Variants in SCRIB observed in about 807,000 individuals in gnomAD.
SCRIB encodes protein scribble homolog.
SCRIB carries 72 observed loss-of-function variants against 170.0 expected under a neutral mutation model. The ratio of observed to expected loss-of-function variants is 0.42; its 90% CI spans 0.35 to 0.52. The LOEUF is 0.52. SCRIB is among the 20% of genes least tolerant of loss of function. The probability of loss-of-function intolerance (pLI) is 0.02; values close to 1 mark genes in which losing one functional copy is unlikely to be tolerated. For synonymous variants in SCRIB, 1,298 were observed against 1,044.3 expected, an observed-to-expected ratio of 1.24 and a Z score of -4.68; for missense variants, 2,475 against 2,338.5, an observed-to-expected ratio of 1.06 and a Z score of -1.20.
rs1284714219 is a variant in SCRIB at position 143,815,604 on chromosome 8, A to C, written c.-232T>G. The C allele has an allele frequency of 4.1e-6, 4 of 981,052 alleles. No homozygotes were observed. In the African/African-American group the frequency reaches 7.1e-5, roughly 17 times the overall value. 60.8% of individuals were successfully genotyped at this position (981,052 alleles called of 1,614,324 possible). On this transcript the variant is annotated 5_prime_UTR_variant, in exon 1 of 37. Coordinates refer to ENST00000356994, the MANE Select transcript of SCRIB (RefSeq NM_182706.5). Reference sequence around the variant, plus strand: ...GCGGCCCGGCGGGTCTCAGACTCTTAGGAAGCGCGGGGAGCGGCGGCGGCG... The same window carrying C: ...GCGGCCCGGCGGGTCTCAGACTCTTCGGAAGCGCGGGGAGCGGCGGCGGCG...
At position 143,791,447 on chromosome 8, in the gene SCRIB, T is replaced by C. The variant is rs1554632595; in HGVS notation, c.4771-7A>G. 1.2e-6 allele frequency: 2 copies of C among 1,610,022 alleles called. No homozygotes were observed. Among genetic ancestry groups the C allele is most frequent in the Admixed American group, 3.3e-5 (2 of 59,732 alleles). On this transcript the variant is annotated splice_region_variant and splice_polypyrimidine_tract_variant and intron_variant, in intron 35 of 36. Transcript: ENST00000356994. ...CCTCAGCAAAGTCCGGTGACTGTGA[T>C]GGGGAGAGTGTTGGTCAGGCCGGTG...
rs782117719 is a variant in SCRIB, at chr8:143,803,344, G to C, written c.3603+39C>G. 3.7e-5 allele frequency: 55 copies of C among 1,504,392 alleles called. No homozygotes were observed. In the South Asian group the frequency reaches 6.8e-4, roughly 19 times the overall value. The allele number at this position is 1,504,392 out of a possible 1,614,324, so 93.2% of individuals were successfully genotyped here. The stretch of plus-strand genomic sequence containing the variant: ...AGCGGCTCACAACACCTTGGGCTGG[G>C]CCAGAGGGAGGCCCGGTCCCCGGGG... On this transcript the variant is annotated intron_variant, in intron 24 of 36. Transcript: ENST00000356994.
At chr8:143,802,284 G>A (rs1269574281) in intron 24 of SCRIB, among the ~76,000 whole-genome samples, 4 of 152,220 alleles carry the variant, frequency 2.6e-5, no homozygotes, top group Admixed American at 6.5e-5. Context: ...CCCACTTCCC[G>A]CCAAGGGGCC....
At chr8:143,814,223 C>T in intron 1 of SCRIB, 105 bp from the exon 2 acceptor site, 3 of 939,456 alleles carry the variant, frequency 3.2e-6, no homozygotes, top group South Asian at 1.5e-5. Context: ...AGGCCTCTGT[C>T]TGCTCCAGGT....
intron 15 of SCRIB, among the ~76,000 whole-genome samples, chr8:143,808,002 G>A (rs529942398): frequency 6.6e-6 from 1 of 152,328 alleles, no homozygotes; most frequent in African/African-American, 2.4e-5. Context: ...GAGACTTGAG[G>A]GCCAGGGAGG....
At chr8:143,815,186 T>G in intron 1 of SCRIB, 28 bp downstream of exon 1, 1 of 1,541,532 alleles carries the variant, frequency 6.5e-7, no homozygotes, top group Non-Finnish European at 8.7e-7. Flanking sequence ...GGCGCGCCTT[T>G]GGGCGGCAGG....
intron 17 of SCRIB, 94 bp from the exon 18 acceptor site, chr8:143,806,578 C>T: frequency 2.0e-6 from 2 of 1,016,350 alleles, no homozygotes; most frequent in Non-Finnish European, 3.0e-6. Flanking sequence ...GACCCACTCC[C>T]AGCAGCCCCT....
At position 143,815,471 on chromosome 8, in the gene SCRIB, G is replaced by A. The variant is rs1215479025; in HGVS notation, c.-99C>T. 1 of 1,060,464 alleles carries A rather than the reference G, an allele frequency of 9.4e-7. No individual in the cohort carries two copies. Among genetic ancestry groups the A allele is most frequent in the Non-Finnish European group, 1.1e-6 (1 of 879,268 alleles). 65.7% of individuals were successfully genotyped at this position (1,060,464 alleles called of 1,614,324 possible). A position where few individuals can be genotyped will look rare whatever the true frequency, so the allele number is the denominator to read the frequency against. On this transcript the variant is annotated 5_prime_UTR_variant, in exon 1 of 37. Coordinates refer to ENST00000356994, the MANE Select transcript of SCRIB (RefSeq NM_182706.5). ...CATGGGCGCCGCGCATGGGGAGGGGGCGCAGGCAGGGGGCGGGCCGCCCGA... is the reference window on the plus strand; with the variant it reads ...CATGGGCGCCGCGCATGGGGAGGGGACGCAGGCAGGGGGCGGGCCGCCCGA...
At chr8:143,813,177 C>A in intron 6 of SCRIB, 73 bp from the exon 7 acceptor site, 1 of 1,581,878 alleles carries the variant, frequency 6.3e-7, no homozygotes, top group South Asian at 1.1e-5. Context: ...AGAGACTATA[C>A]GCCCCCACAC....
Position 143,810,919 on chromosome 8 carries a change from G to A in SCRIB, c.1260C>T (p.Pro420=). The A allele has an allele frequency of 2.5e-6, 4 of 1,611,494 alleles. No individual in the cohort carries two copies. Among genetic ancestry groups the A allele is most frequent in the Non-Finnish European group, 3.4e-6 (4 of 1,179,828 alleles). ...VLTCYLLPQQ[P]PPSLEDAGQQ... is the part of the protein sequence containing the mutation. ...CCAACAACCTACCGAGGCTGGGTGGGGGCTGCTGGGGCAGCAAGTAGCAGG... is the reference window on the plus strand; with the variant it reads ...CCAACAACCTACCGAGGCTGGGTGGAGGCTGCTGGGGCAGCAAGTAGCAGG... The change falls in exon 11 of 37, where the codon CCC becomes CCT. Residue 420 remains proline (P), a synonymous_variant. Transcript: ENST00000356994.
At chr8:143,794,017 C>G in intron 27 of SCRIB, 55 bp from the exon 28 acceptor site, 1 of 1,563,172 alleles carries the variant, frequency 6.4e-7, no homozygotes, top group African/African-American at 1.4e-5. Context: ...GGCCCCCGAC[C>G]AGGAGGGACT....
In SCRIB at chr8:143,791,209, C is replaced by T. The variant is rs367850364; in HGVS notation, c.4922G>A (p.Arg1641His). Residue 1641 changes from arginine (R) to histidine (H), a missense_variant, in exon 37 of 37, where the codon CGC (arginine) becomes CAC (histidine). Coordinates refer to ENST00000356994, the MANE Select transcript of SCRIB (RefSeq NM_182706.5). Reference sequence around the variant, plus strand: ...GCCACGGCGCCCAGGCCTTACGGGGCGGCGGCTGCTGCACAGTGCCACATC... The same window carrying T: ...GCCACGGCGCCCAGGCCTTACGGGGTGGCGGCTGCTGCACAGTGCCACATC... ...PEDVALCSSR[R>H]PVRPGRRGLG... 61 of 1,448,742 alleles carry T rather than the reference C, an allele frequency of 4.2e-5. 1 individual carries two copies. Among genetic ancestry groups the T allele is most frequent in the Admixed American group, 3.4e-4 (12 of 35,190 alleles). 89.7% of individuals were successfully genotyped at this position (1,448,742 alleles called of 1,614,324 possible). A position where few individuals can be genotyped will look rare whatever the true frequency, so the allele number is the denominator to read the frequency against.
chr8:143,812,163 G>A (rs1330024076), intron 9 of SCRIB, 103 bp downstream of exon 9: 1 of 819,914 alleles, frequency 1.2e-6, no homozygotes, highest in African/African-American at 1.7e-5. Context: ...CTCCACGTCA[G>A]GCTGCCACCA....
chr8:143,795,960 G>A (rs1554634031), intron 24 of SCRIB, among the ~76,000 whole-genome samples: 1 of 152,170 alleles, frequency 6.6e-6, no homozygotes, highest in Non-Finnish European at 1.5e-5. Flanking sequence ...CCCAGTGTGA[G>A]TGCTGGGCAG....
chr8:143,805,288 C>T lies in SCRIB; in HGVS notation c.2494G>A (p.Asp832Asn). The T allele has an allele frequency of 6.4e-7, 1 of 1,551,626 alleles. No individual in the cohort carries two copies. Among genetic ancestry groups the T allele is most frequent in the Non-Finnish European group, 8.7e-7 (1 of 1,154,720 alleles). ...AVTITPLRPE[D>N]DYSPRERRGG... The stretch of plus-strand genomic sequence containing the variant: ...CGCCGCTCTCGGGGGCTGTAATCAT[C>T]CTCGGGCCGCAGCGGCGTGATGGTG... Residue 832 changes from aspartate (D) to asparagine (N), a missense_variant, in exon 19 of 37, where the codon GAT becomes AAT. Coordinates refer to ENST00000356994, the MANE Select transcript of SCRIB (RefSeq NM_182706.5).
intron 24 of SCRIB, among the ~76,000 whole-genome samples, chr8:143,798,481 T>C (rs1815036306): frequency 6.6e-6 from 1 of 152,066 alleles, no homozygotes; most frequent in South Asian, 2.1e-4. Flanking sequence ...GGTGTCACTG[T>C]TTTTGTTTTT....
intron 14 of SCRIB, among the ~76,000 whole-genome samples, chr8:143,809,302 T>G (rs1815593299): frequency 6.6e-6 from 1 of 151,218 alleles, no homozygotes; most frequent in African/African-American, 2.4e-5. Flanking sequence ...GAGTCCAGGG[T>G]GGGGGTGGGC....
intron 30 of SCRIB, 29 bp from the exon 31 acceptor site, chr8:143,792,664 G>T (rs1554633181): frequency 6.3e-7 from 1 of 1,588,940 alleles, no homozygotes; most frequent in East Asian, 2.3e-5. Flanking sequence ...GGTCAGGCCA[G>T]ACCAGCCGAG....
At position 143,793,950 on chromosome 8, in the gene SCRIB, C is replaced by T. The variant is rs782669697; in HGVS notation, c.3859G>A (p.Ala1287Thr). Residue 1287 changes from alanine (A) to threonine (T), a missense_variant, in exon 28 of 37, where the codon GCA becomes ACA. Ala to Thr is a moderately conservative substitution (Grantham distance 58). Around this residue, in one of 3 missense-constraint regions of SCRIB, gnomAD observed 1,966 missense variants for 1,742.9 expected, o/e 1.13. Transcript: ENST00000356994. ...GATTCAGCCATCTTCCCTCCAGCTG[C>T]TCCAGACGGTACCTGGAGGAGTAGG... is the stretch of plus-strand genomic sequence containing the variant. ...AGSVQRVPSG[A>T]AGGKMAESPC... 1.9e-6 allele frequency: 3 copies of T among 1,613,458 alleles called. No individual in the cohort carries two copies. The highest frequency in any genetic ancestry group is 2.5e-6 in the Non-Finnish European group (3 of 1,179,678).
Sources: allele counts gnomAD v4.1 joint callset (sites outside exome capture counted in the v4.1 genomes callset), GRCh38; gene constraint gnomAD v4.1.1; regional missense constraint gnomAD v4.1.1; transcripts MANE v1.5; gene names NCBI Gene and HGNC (gene_info 2026-07-23, HGNC 2026-07-21).